Variants in TNFAIP8 observed in about 807,000 individuals in gnomAD.
TNFAIP8 encodes TNF alpha induced protein 8.
In TNFAIP8, 7 loss-of-function variants were observed where a neutral mutation model predicts 13.3. That is an observed-to-expected ratio of 0.52 (90% confidence interval 0.30 to 0.99). TNFAIP8 has a LOEUF of 0.99. Ranked by LOEUF, TNFAIP8 falls within the 50% of genes least tolerant of loss-of-function variation. The probability of loss-of-function intolerance (pLI) is 0.07; values close to 1 mark genes in which losing one functional copy is unlikely to be tolerated. For synonymous variants in TNFAIP8, 94 were observed against 87.6 expected (o/e 1.07, Z -0.41); for missense variants, 258 against 236.9 (o/e 1.09, Z -0.58).
rs1397648819 is a variant in TNFAIP8 at position 119,395,647 on chromosome 5, G to T, written c.*2266G>T. 6.6e-6 allele frequency: 1 copy of T among 152,162 alleles called. No homozygotes were observed. The highest frequency in any genetic ancestry group is 1.5e-5 in the Non-Finnish European group (1 of 68,042). 9.4% of individuals were successfully genotyped at this position (152,162 alleles called of 1,614,324 possible). ...TGCTACCATTTCTCAGCATTTTCTG[G>T]AGGGGACCCATCTCCTTACCAGTGC... On this transcript the variant is annotated 3_prime_UTR_variant, in exon 2 of 2. Coordinates refer to ENST00000504771, the MANE Select transcript of TNFAIP8 (RefSeq NM_014350.4).
chr5:119,355,340 C>T (rs1751343650), upstream of TNFAIP8: 1 of 702,396 alleles, frequency 1.4e-6, no homozygotes, highest in South Asian at 1.5e-5. Context: ...CCAGTGCTCG[C>T]CCGGGGCTAT....
intron 1 of TNFAIP8, among the ~76,000 whole-genome samples, chr5:119,317,853 T>A (rs1193547644): frequency 6.6e-6 from 1 of 152,090 alleles, no homozygotes; most frequent in Non-Finnish European, 1.5e-5. Flanking sequence ...CCGCCTTGGC[T>A]CCCAAAGTGC....
intron 1 of TNFAIP8, among the ~76,000 whole-genome samples, chr5:119,350,811 G>C (rs888655334): frequency 5.3e-5 from 8 of 152,320 alleles, no homozygotes; most frequent in African/African-American, 1.7e-4. Context: ...CTGGCCACCA[G>C]TGGCTTTCTC....
In TNFAIP8 at chr5:119,393,728, C is replaced by T. The variant is rs1245634883; in HGVS notation, c.*347C>T. On this transcript the variant is annotated 3_prime_UTR_variant, in exon 2 of 2. Transcript: ENST00000504771. ...TTGGTGGCACATTGGATATTTCTAA[C>T]ATGTACAAAGCTATGTATTTTGATT... The T allele has an allele frequency of 8.6e-6, 2 of 232,146 alleles. No individual in the cohort carries two copies. The highest frequency in any genetic ancestry group is 1.7e-5 in the Non-Finnish European group (2 of 117,322). 14.4% of individuals were successfully genotyped at this position (232,146 alleles called of 1,614,324 possible).
upstream of TNFAIP8, chr5:119,355,405 GCCGCTCCACTTTCTTCAAAAGGCC>G (rs1029946990): frequency 1.4e-6 from 1 of 701,126 alleles, no homozygotes; most frequent in African/African-American, 1.7e-5. Flanking sequence ...AAGGGTGGAG[GCCGCTCCACTTTCTTCAAAAGGCC>G]CCGCTCTGGG....
At chr5:119,371,006 C>G (rs532852098) in intron 1 of TNFAIP8, among the ~76,000 whole-genome samples, 1 of 152,288 alleles carries the variant, frequency 6.6e-6, no homozygotes, top group South Asian at 2.1e-4. Flanking sequence ...AAGAAAATTA[C>G]TTCATAGATG....
chr5:119,361,175 T>G (rs571542905), intron 1 of TNFAIP8, among the ~76,000 whole-genome samples: 99 of 152,330 alleles, frequency 6.5e-4, no homozygotes, highest in Non-Finnish European at 1.1e-3. Flanking sequence ...GCAGGCCCGG[T>G]GCACTCTGGG....
chr5:119,351,752 T>C (rs1419583339), upstream of TNFAIP8, among the ~76,000 whole-genome samples: 1 of 151,956 alleles, frequency 6.6e-6, no homozygotes, highest in Admixed American at 6.5e-5. Flanking sequence ...TATATACAAT[T>C]TTCTTTTTTC....
At chr5:119,268,850 C>T in exon 1 of TNFAIP8, 7 of 703,604 alleles carry the variant, frequency 9.9e-6, no homozygotes, top group Non-Finnish European at 1.6e-5. Context: ...GAACTCGGCG[C>T]CGCCAAACAG....
chr5:119,363,176 C>G (rs1322637881), intron 1 of TNFAIP8, among the ~76,000 whole-genome samples: 1 of 152,166 alleles, frequency 6.6e-6, no homozygotes, highest in Non-Finnish European at 1.5e-5. Flanking sequence ...AGGCGAGAGC[C>G]CCGTGGAGGC....
intron 1 of TNFAIP8, among the ~76,000 whole-genome samples, chr5:119,382,700 G>A (rs1037398425): frequency 2.2e-4 from 34 of 152,316 alleles, no homozygotes; most frequent in Admixed American, 1.1e-3. Context: ...GGCATAGAGA[G>A]GTTAGATAAT....
chr5:119,366,713 T>TC (rs927625542), intron 1 of TNFAIP8, among the ~76,000 whole-genome samples: 1 of 152,192 alleles, frequency 6.6e-6, no homozygotes, highest in Non-Finnish European at 1.5e-5. Flanking sequence ...TCGGGGGGTT[T>TC]CCCTCATTAA....
intron 1 of TNFAIP8, among the ~76,000 whole-genome samples, chr5:119,297,716 TC>T (rs1244214639): frequency 2.0e-5 from 3 of 152,204 alleles, no homozygotes; most frequent in Non-Finnish European, 4.4e-5. Context: ...TGTTAAAGTC[TC>T]CCATTATTAT....
intron 1 of TNFAIP8, among the ~76,000 whole-genome samples, chr5:119,313,710 G>C (rs1305601825): frequency 6.6e-6 from 1 of 152,202 alleles, no homozygotes; most frequent in Admixed American, 6.5e-5. Flanking sequence ...CTGGTATGTT[G>C]TGAAGCAGCC....
intron 1 of TNFAIP8, among the ~76,000 whole-genome samples, chr5:119,365,197 TCTC>T (rs925502053): frequency 6.6e-6 from 1 of 152,220 alleles, no homozygotes; most frequent in East Asian, 1.9e-4. Context: ...TCACTTCCTC[TCTC>T]CTCGTATTTT....
At position 119,349,123 on chromosome 5, in the gene TNFAIP8, A is replaced by C. The variant is rs768889587; in HGVS notation, c.2-43693A>C. Among the ~76,000 whole-genome samples, 3 of 151,774 alleles carry C rather than the reference A, an allele frequency of 2.0e-5. No individual in the cohort carries two copies. In the East Asian group the frequency reaches 5.8e-4, roughly 29 times the overall value. On this transcript the variant is annotated intron_variant, in intron 1 of 1. Coordinates refer to the TNFAIP8 transcript ENST00000274456. ...TGCTGTTTCCATTTTGACCCCATTC[A>C]CCTGAGCACAGGAAAGAAATTCAGC...
At chr5:119,291,141 C>T (rs1009982307) in intron 1 of TNFAIP8, among the ~76,000 whole-genome samples, 1 of 152,024 alleles carries the variant, frequency 6.6e-6, no homozygotes, top group Non-Finnish European at 1.5e-5. Flanking sequence ...AACACTTTTG[C>T]CCATGTCCCT....
chr5:119,377,939 A>G (rs1290408920), intron 1 of TNFAIP8, among the ~76,000 whole-genome samples: 3 of 152,200 alleles, frequency 2.0e-5, no homozygotes, highest in South Asian at 2.1e-4. Flanking sequence ...AAATGTGTAG[A>G]TGGCCAGGAG....
chr5:119,331,988 C>A (rs1581611020), intron 1 of TNFAIP8, among the ~76,000 whole-genome samples: 1 of 152,086 alleles, frequency 6.6e-6, no homozygotes, highest in South Asian at 2.1e-4. Flanking sequence ...ACCCTTAGTC[C>A]CTGATGTTTT....
Sources: gnomAD v4.1 joint callset for allele counts (sites outside exome capture counted in the v4.1 genomes callset) on GRCh38, gnomAD v4.1.1 for gene constraint, MANE v1.5 for transcripts, NCBI Gene and HGNC (gene_info 2026-07-23, HGNC 2026-07-21) for gene names.